Variants in ZNF385D observed in about 807,000 individuals in gnomAD.
ZNF385D encodes the protein zinc finger protein 385D.
ZNF385D carries 15 observed loss-of-function variants against 35.8 expected under a neutral mutation model. That is an observed-to-expected ratio of 0.42 (90% confidence interval 0.28 to 0.64). ZNF385D has a LOEUF of 0.64. Ranked by LOEUF, ZNF385D falls within the 30% of genes least tolerant of loss-of-function variation. ZNF385D has a pLI of 0.23. For missense variants in ZNF385D, 474 were observed against 494.6 expected (o/e 0.96, Z 0.39); for synonymous variants, 212 against 186.8 (o/e 1.13, Z -1.10).
chr3:22,249,931 C>G (rs1295503448), intron 2 of ZNF385D, among the ~76,000 whole-genome samples: 1 of 152,126 alleles, frequency 6.6e-6, no homozygotes, highest in East Asian at 1.9e-4. Flanking sequence ...TGCTTCTAAG[C>G]TAACTGGGCA....
rs371175437 is a variant in ZNF385D, at chr3:21,841,834, T to G, written c.326-176806A>C. On this transcript the variant is annotated intron_variant, in intron 3 of 5. Coordinates refer to the ZNF385D transcript ENST00000494108. ...TTTAAGTTTGTAAATTCGCAATTCATACATATTTTTCTGTGCCTTTATACT... is the reference window on the plus strand; with the variant it reads ...TTTAAGTTTGTAAATTCGCAATTCAGACATATTTTTCTGTGCCTTTATACT... Among the ~76,000 whole-genome samples, 186 of 151,966 alleles carry G rather than the reference T, an allele frequency of 1.2e-3. 1 individual carries two copies. Among genetic ancestry groups the G allele is most frequent in the South Asian group, 0.01 (49 of 4,830 alleles).
At chr3:21,717,477 A>T (rs998283791) in intron 1 of ZNF385D, among the ~76,000 whole-genome samples, 2 of 152,194 alleles carry the variant, frequency 1.3e-5, no homozygotes, top group South Asian at 2.1e-4. Flanking sequence ...TAGTTCTGCC[A>T]ATGTAATCTT....
chr3:22,217,025 G>T (rs1017395263), intron 2 of ZNF385D, among the ~76,000 whole-genome samples: 2 of 152,106 alleles, frequency 1.3e-5, no homozygotes, highest in African/African-American at 2.4e-5. Flanking sequence ...AAACATTTTA[G>T]ATTTTGCTAT....
chr3:21,973,876 G>C (rs1049720684), intron 3 of ZNF385D, among the ~76,000 whole-genome samples: 2 of 151,836 alleles, frequency 1.3e-5, no homozygotes, highest in South Asian at 2.1e-4. Context: ...AAAGGTGAAA[G>C]ATCTCTACAA....
intron 3 of ZNF385D, among the ~76,000 whole-genome samples, chr3:21,821,701 G>A (rs1009237755): frequency 6.6e-6 from 1 of 152,088 alleles, no homozygotes; most frequent in African/African-American, 2.4e-5. Context: ...GGTGGCTCGC[G>A]CCTGTAATCA....
intron 2 of ZNF385D, among the ~76,000 whole-genome samples, chr3:22,303,529 A>G (rs1459166964): frequency 6.6e-6 from 1 of 152,122 alleles, no homozygotes; most frequent in Non-Finnish European, 1.5e-5. Flanking sequence ...CAGCTTGTCT[A>G]TGTATTCTAA....
intron 3 of ZNF385D, among the ~76,000 whole-genome samples, chr3:22,033,585 T>A (rs2125487048): frequency 6.6e-6 from 1 of 152,106 alleles, no homozygotes; most frequent in South Asian, 2.1e-4. Context: ...CTATCAGTGT[T>A]CAGTGTAACC....
intron 3 of ZNF385D, among the ~76,000 whole-genome samples, chr3:21,757,092 T>C (rs1374551171): frequency 6.7e-6 from 1 of 150,284 alleles, no homozygotes; most frequent in East Asian, 2.0e-4. Flanking sequence ...TAGATTTCAC[T>C]GACTTTGGAG....
At chr3:21,960,896 T>C (rs1018329129) in intron 3 of ZNF385D, among the ~76,000 whole-genome samples, 1 of 151,888 alleles carries the variant, frequency 6.6e-6, no homozygotes, top group East Asian at 1.9e-4. Flanking sequence ...GGAAGCAGAG[T>C]AGAATCGTGG....
At chr3:22,178,464 G>T (rs1372278916) in intron 2 of ZNF385D, among the ~76,000 whole-genome samples, 2 of 152,110 alleles carry the variant, frequency 1.3e-5, no homozygotes, top group African/African-American at 4.8e-5. Flanking sequence ...TGAGTTCTTT[G>T]TAGATTCTGG....
At chr3:21,792,869 T>G (rs905125182) in intron 3 of ZNF385D, among the ~76,000 whole-genome samples, 3 of 152,144 alleles carry the variant, frequency 2.0e-5, no homozygotes, top group African/African-American at 7.2e-5. Context: ...ATTCTTCTGG[T>G]TTTGTGCATT....
intron 3 of ZNF385D, among the ~76,000 whole-genome samples, chr3:21,946,226 C>T (rs2125286678): frequency 6.6e-6 from 1 of 152,168 alleles, no homozygotes; most frequent in African/African-American, 2.4e-5. Context: ...CCATTTCCAT[C>T]CTCTATTTAA....
At chr3:21,814,742 T>C (rs2073076156) in intron 3 of ZNF385D, among the ~76,000 whole-genome samples, 1 of 152,180 alleles carries the variant, frequency 6.6e-6, no homozygotes, top group Non-Finnish European at 1.5e-5. Context: ...TGGGAGACTT[T>C]AACACCCCAC....
In ZNF385D at chr3:21,470,570, T is replaced by G. The variant is rs372069499; in HGVS notation, c.440-33367A>C. Among the ~76,000 whole-genome samples the G allele has an allele frequency of 9.9e-5, 15 of 151,826 alleles. No individual in the cohort carries two copies. In the East Asian group the frequency reaches 1.9e-3, roughly 20 times the overall value. On this transcript the variant is annotated intron_variant, in intron 4 of 7. Coordinates refer to ENST00000281523, the MANE Select transcript of ZNF385D (RefSeq NM_024697.3). Reference sequence around the variant, plus strand: ...TATATAAAGAAAAGGCCAAATCAAGTGAGATGTGTGCTTAAAATGGTTTCA... The same window carrying G: ...TATATAAAGAAAAGGCCAAATCAAGGGAGATGTGTGCTTAAAATGGTTTCA...
intron 2 of ZNF385D, among the ~76,000 whole-genome samples, chr3:22,278,303 C>A (rs747524716): frequency 3.9e-5 from 6 of 152,050 alleles, no homozygotes; most frequent in Non-Finnish European, 8.8e-5. Flanking sequence ...TCATTGTGAC[C>A]ATTTGAATAC....
chr3:21,886,974 A>C (rs1698580121), intron 3 of ZNF385D, among the ~76,000 whole-genome samples: 1 of 152,098 alleles, frequency 6.6e-6, no homozygotes, highest in Admixed American at 6.6e-5. Flanking sequence ...ACACGTTTTC[A>C]AAGGATTTAA....
chr3:22,112,080 A>C (rs917922402), intron 3 of ZNF385D, among the ~76,000 whole-genome samples: 1 of 152,190 alleles, frequency 6.6e-6, no homozygotes, highest in Non-Finnish European at 1.5e-5. Context: ...GCACTGATAA[A>C]GAGCAGTCAA....
At chr3:22,255,609 T>C (rs17011109) in intron 2 of ZNF385D, among the ~76,000 whole-genome samples, 10,976 of 151,874 alleles carry the variant, frequency 0.072, 799 homozygotes, top group South Asian at 0.18. Flanking sequence ...GCCTCTATTA[T>C]ATTTCTACCT....
intron 2 of ZNF385D, among the ~76,000 whole-genome samples, chr3:22,173,961 C>T (rs563389731): frequency 6.6e-6 from 1 of 152,146 alleles, no homozygotes; most frequent in African/African-American, 2.4e-5. Context: ...AAATCTAATA[C>T]ACCTCAACTG....
Sources: allele counts gnomAD v4.1 joint callset (sites outside exome capture counted in the v4.1 genomes callset), GRCh38; gene constraint gnomAD v4.1.1; transcripts MANE v1.5; gene names NCBI Gene and HGNC (gene_info 2026-07-23, HGNC 2026-07-21).